Variants in PTGR2 observed in about 807,000 individuals in gnomAD.
PTGR2 encodes 15-oxoprostaglandin 13-reductase.
PTGR2 carries 32 observed loss-of-function variants against 43.4 expected under a neutral mutation model. That is an observed-to-expected ratio of 0.74 (90% confidence interval 0.56 to 0.99). PTGR2 has a LOEUF of 0.99. Ranked by LOEUF, PTGR2 falls within the 50% of genes least tolerant of loss-of-function variation. PTGR2 has a pLI of 0.00. For missense variants in PTGR2, 373 were observed against 420.0 expected (o/e 0.89, Z 0.98); for synonymous variants, 106 against 139.2 (o/e 0.76, Z 1.68).
intron 4 of PTGR2, among the ~76,000 whole-genome samples, chr14:73,875,756 C>T (rs1342471503): frequency 2.0e-5 from 3 of 148,712 alleles, no homozygotes; most frequent in Non-Finnish European, 4.5e-5. Context: ...TTTTTTTTCC[C>T]ATACTTGGGG....
intron 1 of PTGR2, among the ~76,000 whole-genome samples, chr14:73,857,648 CAATT>C (rs1268362881): frequency 7.9e-6 from 1 of 126,728 alleles, no homozygotes; most frequent in African/African-American, 2.9e-5. Flanking sequence ...GATTACATGT[CAATT>C]AAGCAGTTAG....
In PTGR2 at chr14:73,857,679, T is replaced by TTTTTTTTTTG. The variant is rs1356549271; in HGVS notation, c.-47-1130_-47-1129insTTGTTTTTTT. Among the ~76,000 whole-genome samples, 5 of 131,226 alleles carry TTTTTTTTTTG rather than the reference T, an allele frequency of 3.8e-5. No homozygotes were observed. The South Asian group carries it at 1.5e-3, about 39-fold the overall frequency. The allele number at this position is 131,226 out of a possible 152,430, so 86.1% of individuals were successfully genotyped here. A position where few individuals can be genotyped will look rare whatever the true frequency, so the allele number is the denominator to read the frequency against. On this transcript the variant is annotated intron_variant, in intron 1 of 9. Transcript: ENST00000555661. ...AGCAGTTAGTGTTTTTTTTTTTTTT[T>TTTTTTTTTTG]TTTTTTTGAGACAGAATCTCGCTCT...
At chr14:73,874,450 A>G in intron 4 of PTGR2, 1 of 544,684 alleles carries the variant, frequency 1.8e-6, no homozygotes, top group Non-Finnish European at 3.3e-6. Context: ...GACAATAAAC[A>G]GATTAACAGG....
chr14:73,856,031 G>A (rs1388879561), intron 1 of PTGR2, among the ~76,000 whole-genome samples: 1 of 150,352 alleles, frequency 6.7e-6, no homozygotes, highest in African/African-American at 2.4e-5. Context: ...ACTCCAGCCT[G>A]GGCGACAGAG....
intron 5 of PTGR2, chr14:73,877,894 A>C (rs2054899401): frequency 6.6e-6 from 1 of 152,250 alleles, no homozygotes; most frequent in African/African-American, 2.4e-5. Context: ...ACAGTGGCTC[A>C]TGCCTGCAAT....
At chr14:73,854,026 C>T (rs1421383459) in intron 1 of PTGR2, among the ~76,000 whole-genome samples, 2 of 152,106 alleles carry the variant, frequency 1.3e-5, no homozygotes, top group Non-Finnish European at 2.9e-5. Context: ...TCTTTCAGAT[C>T]TTGGAACTTG....
intron 3 of PTGR2, among the ~76,000 whole-genome samples, chr14:73,866,095 G>A (rs1322939026): frequency 2.0e-5 from 3 of 151,574 alleles, no homozygotes; most frequent in African/African-American, 7.3e-5. Flanking sequence ...TCCACTTCCC[G>A]GGTTCAAGTG....
At position 73,879,085 on chromosome 14, in the gene PTGR2, T is replaced by C. The variant is rs756721255; in HGVS notation, c.520-11T>C. On this transcript the variant is annotated splice_polypyrimidine_tract_variant and intron_variant, in intron 5 of 9. Coordinates refer to ENST00000555661, the MANE Select transcript of PTGR2 (RefSeq NM_001146154.2). ...ATATAAAGCCATTTAATCTTCAAAT[T>C]TCCCCCCTAGATTGGCCATTTCTTA... 6.8e-6 allele frequency: 11 copies of C among 1,610,646 alleles called. No individual in the cohort carries two copies. In the Admixed American group the frequency reaches 1.5e-4, roughly 22 times the overall value.
chr14:73,852,765 G>A (rs2054259132), intron 1 of PTGR2, among the ~76,000 whole-genome samples: 1 of 152,112 alleles, frequency 6.6e-6, no homozygotes, highest in African/African-American at 2.4e-5. Flanking sequence ...AGGGGAAGGG[G>A]GAGACCAGAA....
At chr14:73,858,651 C>T in intron 1 of PTGR2, 165 bp from the exon 2 acceptor site, 1 of 398,764 alleles carries the variant, frequency 2.5e-6, no homozygotes, top group South Asian at 4.0e-5. Flanking sequence ...AGTCTTTCTT[C>T]ATATATTTGC....
At chr14:73,873,088 A>C (rs1469281345) in intron 3 of PTGR2, among the ~76,000 whole-genome samples, 1 of 151,948 alleles carries the variant, frequency 6.6e-6, no homozygotes, top group East Asian at 1.9e-4. Flanking sequence ...CGGGCAGTAC[A>C]CGTGAGGTTG....
chr14:73,876,652 T>C lies in PTGR2; in HGVS notation c.349-346T>C, dbSNP rs551815770. Among the ~76,000 whole-genome samples, 7 of 152,084 alleles carry C rather than the reference T, an allele frequency of 4.6e-5. No homozygotes were observed. In the East Asian group the frequency reaches 1.4e-3, roughly 29 times the overall value. On this transcript the variant is annotated intron_variant, in intron 4 of 9. Transcript: ENST00000555661. ...CACCATGCCTTGCTAATTTTTTGTA[T>C]TTTTAGTAGAGATGGGGTTTCGCCA...
rs10147351 is a variant in PTGR2, at chr14:73,881,163, C to T, written c.852-42C>T. The T allele has an allele frequency of 4.3e-4, 517 of 1,189,656 alleles. No individual in the cohort carries two copies. In the African/African-American group the frequency reaches 6.3e-3, roughly 14 times the overall value. The allele number at this position is 1,189,656 out of a possible 1,614,324, so 73.7% of individuals were successfully genotyped here. The stretch of plus-strand genomic sequence containing the variant: ...TGGTTTGATCTTGGAATACCACTCC[C>T]GTTATATTCTCTGATCATTATCCTT... On this transcript the variant is annotated intron_variant, in intron 7 of 9. Transcript: ENST00000555661.
At chr14:73,879,363 T>G in intron 6 of PTGR2, 58 bp downstream of exon 6, 1 of 1,479,076 alleles carries the variant, frequency 6.8e-7, no homozygotes, top group African/African-American at 1.4e-5. Context: ...TTGTGATATC[T>G]TTTTACCTAA....
intron 7 of PTGR2, 136 bp downstream of exon 7, chr14:73,880,312 C>A: frequency 9.8e-7 from 1 of 1,017,914 alleles, no homozygotes; most frequent in Non-Finnish European, 1.5e-6. Flanking sequence ...GTGGCTTATG[C>A]CTGTAATCCT....
At chr14:73,864,663 G>T (rs2054564335) in intron 3 of PTGR2, among the ~76,000 whole-genome samples, 1 of 152,162 alleles carries the variant, frequency 6.6e-6, no homozygotes, top group Non-Finnish European at 1.5e-5. Context: ...TTACTGAGTT[G>T]TAAGAGTTGT....
chr14:73,852,517 C>T (rs948198072), intron 1 of PTGR2, among the ~76,000 whole-genome samples: 2 of 152,160 alleles, frequency 1.3e-5, no homozygotes, highest in African/African-American at 2.4e-5. Flanking sequence ...TCTCAGAGTG[C>T]TGGGATTACA....
At chr14:73,856,181 C>T (rs958083286) in intron 1 of PTGR2, among the ~76,000 whole-genome samples, 1 of 152,170 alleles carries the variant, frequency 6.6e-6, no homozygotes, top group Non-Finnish European at 1.5e-5. Flanking sequence ...TCCAGAGCAA[C>T]TTCTAATCTG....
chr14:73,862,743 C>G (rs906599631), intron 3 of PTGR2, among the ~76,000 whole-genome samples: 2 of 152,100 alleles, frequency 1.3e-5, no homozygotes, highest in Non-Finnish European at 2.9e-5. Context: ...AATGAGATCT[C>G]TATTGCTGAG....
Sources: gnomAD v4.1 joint callset for allele counts (sites outside exome capture counted in the v4.1 genomes callset) on GRCh38, gnomAD v4.1.1 for gene constraint, MANE v1.5 for transcripts, NCBI Gene and HGNC (gene_info 2026-07-23, HGNC 2026-07-21) for gene names.